RTN1: variants seen among roughly 807,000 people sequenced by gnomAD.
RTN1 encodes reticulon-1.
Under a neutral mutation model 65.5 loss-of-function variants are expected in RTN1, and 25 were observed. The observed-to-expected ratio is 0.38, with a 90% confidence interval of 0.28 to 0.53. RTN1 has a LOEUF of 0.53. RTN1 is among the 20% of genes least tolerant of loss of function. The probability of loss-of-function intolerance (pLI) is 0.79; values close to 1 mark genes in which losing one functional copy is unlikely to be tolerated. For synonymous variants in RTN1, 471 were observed against 447.6 expected (o/e 1.05, Z -0.66); for missense variants, 983 against 1,025.4 (o/e 0.96, Z 0.57).
At chr14:59,659,853 T>A (rs1025521865) in intron 3 of RTN1, among the ~76,000 whole-genome samples, 13 of 152,188 alleles carry the variant, frequency 8.5e-5, no homozygotes, top group Admixed American at 7.2e-4. Context: ...AATAACCAGC[T>A]AACATCATAA....
chr14:59,674,042 T>A (rs1469679185), intron 3 of RTN1, among the ~76,000 whole-genome samples: 2 of 152,248 alleles, frequency 1.3e-5, no homozygotes. Flanking sequence ...GCAGTTTCAA[T>A]GCCACAAAAA....
chr14:59,783,860 C>CA (rs149393624), intron 1 of RTN1, among the ~76,000 whole-genome samples: 6,421 of 117,636 alleles, frequency 0.055, 429 homozygotes, highest in African/African-American at 0.19. Context: ...GTAGTATAAA[C>CA]AAAAAAAATT....
chr14:59,789,506 T>C (rs1886309969), intron 1 of RTN1, among the ~76,000 whole-genome samples: 1 of 152,170 alleles, frequency 6.6e-6, no homozygotes, highest in African/African-American at 2.4e-5. Context: ...TTATAATGAA[T>C]ACTTTGTAAA....
intron 1 of RTN1, among the ~76,000 whole-genome samples, chr14:59,854,635 G>A (rs1435855171): frequency 2.9e-4 from 21 of 71,698 alleles, no homozygotes; most frequent in Middle Eastern, 0.014. Flanking sequence ...GCAAGACTGC[G>A]TCTCAAAAAA....
intron 1 of RTN1, among the ~76,000 whole-genome samples, chr14:59,863,444 C>G (rs1292739824): frequency 6.6e-6 from 1 of 152,174 alleles, no homozygotes; most frequent in East Asian, 1.9e-4. Flanking sequence ...CCACAAGCAG[C>G]ATTTGACGGA....
rs937922639 is a variant in RTN1 at position 59,849,453 on chromosome 14, T to C, written c.241+20937A>G. Among the ~76,000 whole-genome samples, 4 of 152,208 alleles carry C rather than the reference T, an allele frequency of 2.6e-5. No individual in the cohort carries two copies. The highest frequency in any genetic ancestry group is 7.2e-5 in the African/African-American group (3 of 41,440). The stretch of plus-strand genomic sequence containing the variant: ...CTAGTCATGCATAAGAGAAAAAGTA[T>C]ATAAATACACCCCTATATCTGAGGG... On this transcript the variant is annotated intron_variant, in intron 1 of 8. Coordinates refer to ENST00000267484, the MANE Select transcript of RTN1 (RefSeq NM_021136.3). The surrounding 1 kb of genome is among the most constrained non-coding windows in gnomAD (Gnocchi z 4.5).
chr14:59,703,197 T>C (rs1010330058), intron 3 of RTN1, among the ~76,000 whole-genome samples: 3 of 152,214 alleles, frequency 2.0e-5, no homozygotes, highest in Non-Finnish European at 4.4e-5. Flanking sequence ...GCATACTATA[T>C]AATTTGCATA....
intron 1 of RTN1, among the ~76,000 whole-genome samples, chr14:59,819,580 A>T (rs1886899392): frequency 6.6e-6 from 1 of 151,628 alleles, no homozygotes; most frequent in Non-Finnish European, 1.5e-5. Context: ...GCTGCCCACC[A>T]GTTCTGCGCT....
intron 5 of RTN1, 168 bp from the exon 6 acceptor site, chr14:59,604,089 G>T: frequency 2.1e-6 from 1 of 467,502 alleles, no homozygotes. Context: ...AGAGGATCCA[G>T]TCCTTAGTTC....
chr14:59,803,809 A>T lies in RTN1; in HGVS notation c.242-57328T>A, dbSNP rs1886589078. Among the ~76,000 whole-genome samples the T allele has an allele frequency of 6.6e-6, 1 of 152,252 alleles. No individual in the cohort carries two copies. Among genetic ancestry groups the T allele is most frequent in the Non-Finnish European group, 1.5e-5 (1 of 68,048 alleles). On this transcript the variant is annotated intron_variant, in intron 1 of 8. Coordinates refer to ENST00000267484, the MANE Select transcript of RTN1 (RefSeq NM_021136.3). This position sits in a 1 kb window ranked among gnomAD's most constrained non-coding sequence, Gnocchi z 5.6. ...AGGTGGTTTAGGCCTCTCAACTTGA[A>T]GATTCAGAAACCTGAGGCCACAGTA...
At chr14:59,806,336 A>G (rs1375097744) in intron 1 of RTN1, among the ~76,000 whole-genome samples, 1 of 151,996 alleles carries the variant, frequency 6.6e-6, no homozygotes, top group Non-Finnish European at 1.5e-5. Context: ...TCATTGTCAT[A>G]CATCTTTCTC....
intron 1 of RTN1, among the ~76,000 whole-genome samples, chr14:59,832,917 C>A (rs1233305661): frequency 6.6e-6 from 1 of 152,186 alleles, no homozygotes; most frequent in Non-Finnish European, 1.5e-5. Context: ...CCCCTATCAT[C>A]CCTCAGTGCC....
At chr14:59,779,243 C>T (rs1886108944) in intron 1 of RTN1, among the ~76,000 whole-genome samples, 1 of 152,016 alleles carries the variant, frequency 6.6e-6, no homozygotes, top group Admixed American at 6.6e-5. Context: ...GGGGTAATCC[C>T]AGAGTTTAGG....
At chr14:59,645,410 T>TAC (rs1491187739) in intron 3 of RTN1, among the ~76,000 whole-genome samples, 2,697 of 150,884 alleles carry the variant, frequency 0.018, 86 homozygotes, top group African/African-American at 0.06. Flanking sequence ...ACATGTTTTC[T>TAC]ATATGTTACA....
rs867256059 is a variant in RTN1 at position 59,710,459 on chromosome 14, G to A, written c.1765+16460C>T. 1.2e-4 allele frequency among the ~76,000 whole-genome samples: 18 copies of A among 152,320 alleles called. 1 individual carries two copies. The East Asian group carries it at 2.9e-3, about 24-fold the overall frequency. On this transcript the variant is annotated intron_variant, in intron 3 of 8. Coordinates refer to ENST00000267484, the MANE Select transcript of RTN1 (RefSeq NM_021136.3). ...CCCCAAATGGTTCTTTCTGTGAATC[G>A]ATCCTGCTAACCTGGCCACAGCTGA...
intron 1 of RTN1, among the ~76,000 whole-genome samples, chr14:59,798,823 G>A (rs1372498639): frequency 6.6e-6 from 1 of 151,768 alleles, no homozygotes; most frequent in Non-Finnish European, 1.5e-5. Context: ...GGGGTGGGGA[G>A]ACATTATTCT....
At chr14:59,723,466 TA>T (rs1884690447) in intron 3 of RTN1, among the ~76,000 whole-genome samples, 1 of 150,394 alleles carries the variant, frequency 6.6e-6, no homozygotes, top group Admixed American at 6.6e-5. Context: ...TACAAAAAAT[TA>T]GCCGGGCGTG....
chr14:59,685,922 A>G (rs893773243), intron 3 of RTN1, among the ~76,000 whole-genome samples: 1 of 152,228 alleles, frequency 6.6e-6, no homozygotes, highest in Non-Finnish European at 1.5e-5. Context: ...AAAATGTACT[A>G]CTATAAAGCT....
At chr14:59,620,203 C>T (rs1457919175) in intron 3 of RTN1, among the ~76,000 whole-genome samples, 1 of 152,004 alleles carries the variant, frequency 6.6e-6, no homozygotes, top group Admixed American at 6.6e-5. Context: ...GTTGTGGCCA[C>T]AGATACGTGT....
Sources: allele counts gnomAD v4.1 joint callset (sites outside exome capture counted in the v4.1 genomes callset), GRCh38; gene constraint gnomAD v4.1.1; non-coding constraint Gnocchi (gnomAD v3.1); transcripts MANE v1.5; gene names NCBI Gene and HGNC (gene_info 2026-07-23, HGNC 2026-07-21).